The following PRTG variants were observed in gnomAD, a reference collection of about 807,000 sequenced individuals.
PRTG encodes the protein immunoglobulin superfamily, DCC subclass, member 5.
Under a neutral mutation model 122.5 loss-of-function variants are expected in PRTG, and 67 were observed. The observed-to-expected ratio is 0.55, with a 90% CI of 0.45 to 0.67. The LOEUF is 0.67. PRTG is among the 30% of genes least tolerant of loss of function. The pLI is 0.00. For missense variants in PRTG, 1,435 were observed against 1,415.4 expected, an observed-to-expected ratio of 1.01 and a Z score of -0.22; for synonymous variants, 554 against 501.1, an observed-to-expected ratio of 1.11 and a Z score of -1.41.
chr15:55,663,733 G>C (rs1288821763), intron 11 of PRTG, among the ~76,000 whole-genome samples: 1 of 151,922 alleles, frequency 6.6e-6, no homozygotes, highest in Non-Finnish European at 1.5e-5. Context: ...GTAGAGACAG[G>C]GTTTCACCAC....
chr15:55,619,909 C>G lies in PRTG; in HGVS notation c.*103G>C, dbSNP rs1470223685. ...CAAAGCATAGCATGGCAGATGGCGG[C>G]TGCAGAACTAAGGAGGAAGTCTGCT... is the stretch of plus-strand genomic sequence containing the variant. On this transcript the variant is annotated 3_prime_UTR_variant, in exon 20 of 20. Coordinates refer to ENST00000389286, the MANE Select transcript of PRTG (RefSeq NM_173814.6). 6.5e-7 allele frequency: 1 copy of G among 1,534,896 alleles called. No individual in the cohort carries two copies. Among genetic ancestry groups the G allele is most frequent in the African/African-American group, 1.4e-5 (1 of 72,540 alleles).
At chr15:55,700,146 T>A (rs1567105866) in intron 2 of PRTG, among the ~76,000 whole-genome samples, 2 of 152,156 alleles carry the variant, frequency 1.3e-5, no homozygotes, top group African/African-American at 4.8e-5. Context: ...GTACAGAAAT[T>A]AACCAATACA....
chr15:55,622,216 G>GTTTTTTT (rs35973280), intron 18 of PRTG, among the ~76,000 whole-genome samples: 2 of 113,412 alleles, frequency 1.8e-5, no homozygotes, highest in African/African-American at 3.4e-5. Context: ...ATTAGTACTT[G>GTTTTTTT]TTTTTTTTTT....
intron 2 of PRTG, 118 bp downstream of exon 2, chr15:55,740,264 T>C (rs746322903): frequency 7.9e-5 from 72 of 909,384 alleles, no homozygotes; most frequent in Middle Eastern, 2.6e-4. Context: ...CATCAACTAT[T>C]ATCTCCAGTA....
At chr15:55,724,568 C>A (rs887959821) in intron 2 of PRTG, among the ~76,000 whole-genome samples, 1 of 151,702 alleles carries the variant, frequency 6.6e-6, no homozygotes, top group African/African-American at 2.4e-5. Context: ...CTGGCCAACA[C>A]AGCAAAACCC....
At chr15:55,633,040 A>T (rs1375420236) in intron 15 of PRTG, among the ~76,000 whole-genome samples, 2 of 152,252 alleles carry the variant, frequency 1.3e-5, no homozygotes, top group Non-Finnish European at 2.9e-5. Flanking sequence ...GAGGAAAGGT[A>T]TATGGTATTC....
chr15:55,716,572 A>T (rs1198081217), intron 2 of PRTG, among the ~76,000 whole-genome samples: 2 of 152,222 alleles, frequency 1.3e-5, no homozygotes, highest in Non-Finnish European at 2.9e-5. Context: ...AAGTGCTGGG[A>T]GGATCCAACC....
chr15:55,640,547 T>C (rs868024127), intron 12 of PRTG, among the ~76,000 whole-genome samples: 5 of 152,150 alleles, frequency 3.3e-5, no homozygotes, highest in African/African-American at 9.7e-5. Flanking sequence ...TGAACAGCAA[T>C]TGGAGAGAAA....
chr15:55,655,523 A>C (rs1020197373), intron 11 of PRTG: 1 of 152,210 alleles, frequency 6.6e-6, no homozygotes, highest in African/African-American at 2.4e-5. Flanking sequence ...TGTTTAAGGA[A>C]ATAATTTCAG....
intron 2 of PRTG, among the ~76,000 whole-genome samples, chr15:55,707,067 C>T (rs2030158785): frequency 6.6e-6 from 1 of 152,088 alleles, no homozygotes; most frequent in South Asian, 2.1e-4. Flanking sequence ...GGGTAGTATT[C>T]CGAAGGCAGT....
At chr15:55,653,985 A>G (rs1202301788) in intron 11 of PRTG, among the ~76,000 whole-genome samples, 1 of 152,236 alleles carries the variant, frequency 6.6e-6, no homozygotes, top group Non-Finnish European at 1.5e-5. Context: ...GGATGTCTAG[A>G]TAAGAAATAT....
At chr15:55,638,506 AT>A (rs746280118) in intron 14 of PRTG, 42 bp downstream of exon 14, 131 of 1,487,822 alleles carry the variant, frequency 8.8e-5, no homozygotes, top group East Asian at 7.9e-4. Flanking sequence ...CATTTCCTTA[AT>A]TTTTTTTAAA....
At chr15:55,632,463 T>G (rs1408771000) in intron 15 of PRTG, among the ~76,000 whole-genome samples, 3 of 152,204 alleles carry the variant, frequency 2.0e-5, no homozygotes, top group African/African-American at 7.2e-5. Context: ...AACGTAAACC[T>G]AATCAAAGGT....
chr15:55,732,161 ATGT>A (rs2031255114), intron 2 of PRTG, among the ~76,000 whole-genome samples: 1 of 152,190 alleles, frequency 6.6e-6, no homozygotes, highest in African/African-American at 2.4e-5. Context: ...TTTGACTGGA[ATGT>A]TGTTACACTG....
At chr15:55,666,627 C>T (rs181276937) in intron 11 of PRTG, among the ~76,000 whole-genome samples, 1 of 152,276 alleles carries the variant, frequency 6.6e-6, no homozygotes, top group African/African-American at 2.4e-5. Flanking sequence ...GACGCATTAG[C>T]TTTCAAATCT....
In PRTG at chr15:55,743,076, T is replaced by C. The variant is rs2031673181; in HGVS notation, c.-145A>G. 7.7e-7 allele frequency: 1 copy of C among 1,290,340 alleles called. No homozygotes were observed. Among genetic ancestry groups the C allele is most frequent in the East Asian group, 3.2e-5 (1 of 30,856 alleles). The allele number at this position is 1,290,340 out of a possible 1,614,324, so 79.9% of individuals were successfully genotyped here. A position where few individuals can be genotyped will look rare whatever the true frequency, so the allele number is the denominator to read the frequency against. ...CTCCGGCACCGGCGTGGCGAGCGTC[T>C]CTGCGGCGGCGAGGCTGGTGCTCGG... On this transcript the variant is annotated 5_prime_UTR_variant, in exon 1 of 20. Coordinates refer to ENST00000389286, the MANE Select transcript of PRTG (RefSeq NM_173814.6).
At chr15:55,625,858 G>C (rs1167272990) in intron 17 of PRTG, among the ~76,000 whole-genome samples, 1 of 151,842 alleles carries the variant, frequency 6.6e-6, no homozygotes. Flanking sequence ...CCCGACCTCA[G>C]GTGATCCGCT....
chr15:55,715,257 T>C (rs1292454783), intron 2 of PRTG, among the ~76,000 whole-genome samples: 1 of 152,196 alleles, frequency 6.6e-6, no homozygotes, highest in African/African-American at 2.4e-5. Flanking sequence ...ACCATATCTA[T>C]GACAAAACCC....
At chr15:55,652,436 C>T (rs1208563589) in intron 11 of PRTG, among the ~76,000 whole-genome samples, 1 of 152,160 alleles carries the variant, frequency 6.6e-6, no homozygotes, top group Non-Finnish European at 1.5e-5. Context: ...TTTGTGTGAG[C>T]CTTTTCAGGC....
Sources: gnomAD v4.1 joint callset for allele counts (sites outside exome capture counted in the v4.1 genomes callset) on GRCh38, gnomAD v4.1.1 for gene constraint, MANE v1.5 for transcripts, NCBI Gene and HGNC (gene_info 2026-07-23, HGNC 2026-07-21) for gene names.